PGBD5: variants seen among roughly 807,000 people sequenced by gnomAD.
PGBD5 encodes the protein piggyBac transposable element derived 5, also known as piggyBac transposable element-derived protein 5.
A neutral mutation model predicts 47.9 loss-of-function variants in PGBD5; 14 were observed. The observed-to-expected ratio is 0.29, with a 90% confidence interval of 0.19 to 0.46. PGBD5 has a LOEUF of 0.46. PGBD5 is among the 20% of genes least tolerant of loss of function. The pLI is 1.00. For synonymous variants in PGBD5, 316 were observed against 306.3 expected (o/e 1.03, Z -0.33); for missense variants, 635 against 716.0 (o/e 0.89, Z 1.29).
intron 1 of PGBD5, among the ~76,000 whole-genome samples, chr1:230,364,816 T>C (rs1246196554): frequency 6.7e-6 from 1 of 149,222 alleles, no homozygotes; most frequent in African/African-American, 2.5e-5. Flanking sequence ...AGGTCAGGAG[T>C]TCGAGACCAG....
intron 3 of PGBD5, among the ~76,000 whole-genome samples, chr1:230,346,879 C>T (rs2102698245): frequency 6.6e-6 from 1 of 152,190 alleles, no homozygotes; most frequent in Non-Finnish European, 1.5e-5. Context: ...CCCTCTATCT[C>T]TAGTTCTGAG....
At chr1:230,408,983 G>A (rs535596501) in intron 1 of PGBD5, among the ~76,000 whole-genome samples, 7 of 152,272 alleles carry the variant, frequency 4.6e-5, no homozygotes, top group Middle Eastern at 3.4e-3. Context: ...GGAATATTCG[G>A]AATATATAAA....
Position 230,318,562 on chromosome 1 carries a change from C to T in PGBD5, c.*4863G>A, listed in dbSNP as rs564273662. On this transcript the variant is annotated 3_prime_UTR_variant, in exon 7 of 7. Transcript: ENST00000391860. The stretch of plus-strand genomic sequence containing the variant: ...CTTGTGAACTTCTGGGGACTTCTTT[C>T]GTTTGGAACTCCCACTACACAAGGC... 6.6e-6 allele frequency: 1 copy of T among 152,370 alleles called. No individual in the cohort carries two copies. The highest frequency in any genetic ancestry group is 6.5e-5 in the Admixed American group (1 of 15,300). 9.4% of individuals were successfully genotyped at this position (152,370 alleles called of 1,614,324 possible).
chr1:230,387,510 G>C (rs1362668372), intron 1 of PGBD5, among the ~76,000 whole-genome samples: 1 of 152,220 alleles, frequency 6.6e-6, no homozygotes, highest in Non-Finnish European at 1.5e-5. Flanking sequence ...AGGCTGGGGG[G>C]AGGCTCCTTA....
intron 1 of PGBD5, among the ~76,000 whole-genome samples, chr1:230,380,452 A>G (rs1318841858): frequency 6.6e-6 from 1 of 152,158 alleles, no homozygotes; most frequent in Non-Finnish European, 1.5e-5. Context: ...TGCTCACCCT[A>G]AAGGCTGGTC....
At chr1:230,393,839 A>T (rs1048536734) in intron 1 of PGBD5, among the ~76,000 whole-genome samples, 35 of 151,122 alleles carry the variant, frequency 2.3e-4, no homozygotes, top group East Asian at 9.7e-4. Context: ...AAAAAAAAAA[A>T]AAAAATAATA....
chr1:230,349,707 G>A (rs778996010), intron 3 of PGBD5, among the ~76,000 whole-genome samples: 10 of 152,152 alleles, frequency 6.6e-5, no homozygotes, highest in East Asian at 1.9e-4. Context: ...TGAACCCGAC[G>A]CACCTGTACC....
At chr1:230,409,880 T>C (rs1424929829) in intron 1 of PGBD5, among the ~76,000 whole-genome samples, 4 of 150,666 alleles carry the variant, frequency 2.7e-5, no homozygotes, top group African/African-American at 9.8e-5. Flanking sequence ...ATATCAAAAA[T>C]GGGGAAATGA....
intron 4 of PGBD5, 74 bp downstream of exon 4, chr1:230,337,034 C>G: frequency 6.6e-7 from 1 of 1,521,884 alleles, no homozygotes; most frequent in Non-Finnish European, 8.9e-7. Flanking sequence ...TATCTGCACC[C>G]CCACCTGGAC....
chr1:230,362,267 C>T, intron 1 of PGBD5: 1 of 1,365,034 alleles, frequency 7.3e-7, no homozygotes, highest in South Asian at 1.1e-5. Context: ...CTACCAGCTC[C>T]TTCACCTCCA....
At position 230,319,641 on chromosome 1, in the gene PGBD5, G is replaced by A. The variant is rs1667005988; in HGVS notation, c.*3784C>T. On this transcript the variant is annotated 3_prime_UTR_variant, in exon 7 of 7. Transcript: ENST00000391860. The stretch of plus-strand genomic sequence containing the variant: ...TTCAGAACCTTCCAGGCTCTGTCCT[G>A]GGGACCTGCAATCTTCTTGCTTCTT... 6.6e-6 allele frequency: 1 copy of A among 152,134 alleles called. No individual in the cohort carries two copies. The highest frequency in any genetic ancestry group is 1.5e-5 in the Non-Finnish European group (1 of 68,080). The allele number at this position is 152,134 out of a possible 1,614,324, so 9.4% of individuals were successfully genotyped here. A position where few individuals can be genotyped will look rare whatever the true frequency, so the allele number is the denominator to read the frequency against.
At chr1:230,324,126 AC>A (rs2102809779) in intron 6 of PGBD5, among the ~76,000 whole-genome samples, 1 of 152,300 alleles carries the variant, frequency 6.6e-6, no homozygotes, top group Non-Finnish European at 1.5e-5. Context: ...CGGGAAGCCC[AC>A]CCAGACCCTG....
At chr1:230,412,755 G>T (rs1657440040) in intron 1 of PGBD5, among the ~76,000 whole-genome samples, 1 of 152,124 alleles carries the variant, frequency 6.6e-6, no homozygotes, top group Admixed American at 6.6e-5. Context: ...GAAGAGGAGT[G>T]GTTGGTCTTG....
intron 3 of PGBD5, among the ~76,000 whole-genome samples, chr1:230,337,574 C>T (rs898188709): frequency 2.6e-5 from 4 of 152,142 alleles, no homozygotes; most frequent in South Asian, 2.1e-4. Flanking sequence ...ATACATTCCC[C>T]GGCTTTCAAA....
chr1:230,418,594 C>A (rs1657576923), intron 1 of PGBD5, among the ~76,000 whole-genome samples: 1 of 152,162 alleles, frequency 6.6e-6, no homozygotes. Flanking sequence ...TGCAGCCTCA[C>A]CCACCTCAGC....
At chr1:230,352,202 G>A (rs751288502) in intron 2 of PGBD5, among the ~76,000 whole-genome samples, 1 of 152,162 alleles carries the variant, frequency 6.6e-6, no homozygotes, top group Non-Finnish European at 1.5e-5. Flanking sequence ...ATTGTCTGTG[G>A]TTGCTTTGGG....
At chr1:230,346,567 C>T (rs1276692650) in intron 3 of PGBD5, among the ~76,000 whole-genome samples, 5 of 152,236 alleles carry the variant, frequency 3.3e-5, no homozygotes, top group South Asian at 2.1e-4. Context: ...GCAAGCATAT[C>T]GCAAGATTTC....
chr1:230,332,868 T>C lies in PGBD5; in HGVS notation c.1249A>G (p.Asn417Asp), dbSNP rs1225992158. ...YNKGHFRFLT[N>D]AYSPVQQGVI... is the part of the protein sequence containing the mutation. Reference sequence around the variant, plus strand: ...CCCTGCTGCACCGGGGAGTAGGCGTTGGTCAGGAAGCGGAAGTGTCCTTTG... The same window carrying C: ...CCCTGCTGCACCGGGGAGTAGGCGTCGGTCAGGAAGCGGAAGTGTCCTTTG... The change falls in exon 5 of 7, where the codon AAC (asparagine) becomes GAC (aspartate). Residue 417 changes from asparagine to aspartate, a missense_variant. Physicochemically the swap from Asn to Asp is conservative, Grantham distance 23. Coordinates refer to ENST00000391860, the MANE Select transcript of PGBD5 (RefSeq NM_001258311.2). 1 of 1,614,172 alleles carries C rather than the reference T, an allele frequency of 6.2e-7. No homozygotes were observed. Among genetic ancestry groups the C allele is most frequent in the African/African-American group, 1.3e-5 (1 of 75,032 alleles).
intron 1 of PGBD5, among the ~76,000 whole-genome samples, chr1:230,384,005 A>T (rs887624514): frequency 2.0e-5 from 3 of 151,494 alleles, no homozygotes; most frequent in African/African-American, 7.3e-5. Flanking sequence ...ACCCAGAGAA[A>T]CAGCGTGCTT....
Sources: allele counts gnomAD v4.1 joint callset (sites outside exome capture counted in the v4.1 genomes callset), GRCh38; gene constraint gnomAD v4.1.1; transcripts MANE v1.5; gene names NCBI Gene and HGNC (gene_info 2026-07-23, HGNC 2026-07-21).